FRMPD4: variants seen among roughly 807,000 people sequenced by gnomAD.
FRMPD4 encodes the protein FERM and PDZ domain-containing protein 4.
FRMPD4 carries 22 observed loss-of-function variants against 94.1 expected under a neutral mutation model. The ratio of observed to expected loss-of-function variants is 0.23; its 90% confidence interval spans 0.17 to 0.33. The LOEUF (loss-of-function observed/expected upper bound fraction) is 0.33. Among genes scored for constraint, FRMPD4 ranks in the 10% least tolerant of loss-of-function variants. The probability of loss-of-function intolerance (pLI) is 1.00; values close to 1 mark genes in which losing one functional copy is unlikely to be tolerated. For synonymous variants in FRMPD4, 631 were observed against 548.6 expected, an observed-to-expected ratio of 1.15 and a Z score of -2.10; for missense variants, 1,111 against 1,339.9, an observed-to-expected ratio of 0.83 and a Z score of 2.67.
At chrX:12,219,452 A>G (rs1448897625) in intron 1 of FRMPD4, among the ~76,000 whole-genome samples, 1 of 112,305 alleles carries the variant, frequency 8.9e-6, no homozygotes, top group Non-Finnish European at 1.9e-5. Flanking sequence ...AAACTTTTGT[A>G]TATTTAATGC....
chrX:12,466,889 G>A (rs767942570), intron 1 of FRMPD4, among the ~76,000 whole-genome samples: 2 of 111,910 alleles, frequency 1.8e-5, no homozygotes, highest in African/African-American at 3.2e-5. Context: ...AAGGAACGTC[G>A]AAATTCTGGT....
chrX:12,382,520 G>GCATAA, intron 1 of FRMPD4, among the ~76,000 whole-genome samples: 1 of 60,616 alleles, frequency 1.6e-5, no homozygotes, highest in East Asian at 3.9e-4. Flanking sequence ...GCATAGCATA[G>GCATAA]CATAGCATAG....
At chrX:12,156,713 T>C (rs770090129) in intron 1 of FRMPD4, among the ~76,000 whole-genome samples, 1 of 102,843 alleles carries the variant, frequency 9.7e-6, no homozygotes, top group African/African-American at 4.1e-5. Flanking sequence ...TAATACACAA[T>C]TAAGTAATTG....
chrX:12,456,259 CTCTT>C (rs1275960742), intron 1 of FRMPD4, among the ~76,000 whole-genome samples: 1 of 111,961 alleles, frequency 8.9e-6, no homozygotes, highest in Non-Finnish European at 1.9e-5. Context: ...CTTTCTCTCT[CTCTT>C]CTTTCTTCCT....
intron 2 of FRMPD4, among the ~76,000 whole-genome samples, chrX:12,518,814 C>T (rs979729399): frequency 3.9e-4 from 41 of 104,621 alleles, no homozygotes; most frequent in African/African-American, 3.6e-4. Context: ...CTAAAAATTA[C>T]GTGCGCGCGT....
chrX:12,429,967 CAG>C (rs1368048432), intron 1 of FRMPD4, among the ~76,000 whole-genome samples: 1 of 112,091 alleles, frequency 8.9e-6, no homozygotes, highest in Admixed American at 9.4e-5. Context: ...GTCTTAGAAG[CAG>C]AGACACCAGG....
intron 1 of FRMPD4, among the ~76,000 whole-genome samples, chrX:12,412,283 C>T (rs898939409): frequency 8.9e-5 from 10 of 111,953 alleles, no homozygotes; most frequent in African/African-American, 3.2e-4. Flanking sequence ...ACCCCATTGC[C>T]CATTGTCTGA....
chrX:12,520,933 T>C (rs1007701733), intron 2 of FRMPD4, among the ~76,000 whole-genome samples: 3 of 111,796 alleles, frequency 2.7e-5, no homozygotes, highest in African/African-American at 9.8e-5. Flanking sequence ...CAGCAAACTT[T>C]CCCGGTGAAA....
At chrX:12,713,852 C>G (rs998172741) in intron 14 of FRMPD4, among the ~76,000 whole-genome samples, 4 of 111,739 alleles carry the variant, frequency 3.6e-5, no homozygotes, top group Non-Finnish European at 5.6e-5. Flanking sequence ...TTCTTCTCAC[C>G]TCAAATTGAT....
chrX:12,299,686 A>G (rs1485792595), intron 1 of FRMPD4, among the ~76,000 whole-genome samples: 2 of 112,026 alleles, frequency 1.8e-5, no homozygotes, highest in African/African-American at 6.5e-5. Context: ...TCAACAATCA[A>G]GTATCCATAG....
chrX:11,959,991 G>A (rs1231354448), intron 3 of FRMPD4, among the ~76,000 whole-genome samples: 2 of 111,047 alleles, frequency 1.8e-5, no homozygotes, highest in Non-Finnish European at 3.8e-5. Flanking sequence ...TTCAAATGAT[G>A]GGGCATCACA....
At chrX:12,678,657 C>G (rs1306565820) in intron 5 of FRMPD4, among the ~76,000 whole-genome samples, 2 of 111,817 alleles carry the variant, frequency 1.8e-5, no homozygotes, top group African/African-American at 6.5e-5. Context: ...GAAACCCCGT[C>G]TCTACTAAAA....
At chrX:11,949,865 T>A (rs990520120) in intron 3 of FRMPD4, among the ~76,000 whole-genome samples, 3 of 111,830 alleles carry the variant, frequency 2.7e-5, no homozygotes, top group Non-Finnish European at 5.6e-5. Context: ...TTGTTTTTGG[T>A]TTTTTTAGAT....
intron 3 of FRMPD4, among the ~76,000 whole-genome samples, chrX:11,989,485 A>T (rs2054451866): frequency 9.3e-6 from 1 of 107,800 alleles, no homozygotes; most frequent in Non-Finnish European, 1.9e-5. Flanking sequence ...AGAGGCTGAG[A>T]AGGGTAGTGG....
intron 3 of FRMPD4, among the ~76,000 whole-genome samples, chrX:12,050,090 A>G (rs1251911073): frequency 3.6e-5 from 4 of 111,302 alleles, no homozygotes; most frequent in Non-Finnish European, 7.6e-5. Context: ...GAAGAAAGAA[A>G]AGTATTTTTT....
At chrX:12,343,588 C>T (rs1254295419) in intron 1 of FRMPD4, among the ~76,000 whole-genome samples, 1 of 111,930 alleles carries the variant, frequency 8.9e-6, no homozygotes, top group Non-Finnish European at 1.9e-5. Flanking sequence ...GAGAACAGGT[C>T]AGGATTGATC....
chrX:12,282,024 A>G (rs866216813), intron 1 of FRMPD4, among the ~76,000 whole-genome samples: 22 of 112,330 alleles, frequency 2.0e-4, no homozygotes, highest in Non-Finnish European at 3.8e-4. Context: ...GGAAGCAGGT[A>G]TTAATAGACT....
chrX:12,710,063 G>A lies in FRMPD4; in HGVS notation c.1471-336G>A, dbSNP rs192978662. Among the ~76,000 whole-genome samples the A allele has an allele frequency of 4.4e-3, 492 of 111,643 alleles. 10 individuals are homozygous for A. The highest frequency in any genetic ancestry group is 0.042 in the Admixed American group (438 of 10,543). ...GAATCGCTTAAACCCAGGAGGTGGA[G>A]GTTGCAGTGAGCCAAGTTCACGCCA... On this transcript the variant is annotated intron_variant, in intron 13 of 16. Coordinates refer to ENST00000675598, the MANE Select transcript of FRMPD4 (RefSeq NM_001368397.1).
chrX:12,604,355 T>C (rs942450474), intron 2 of FRMPD4, among the ~76,000 whole-genome samples: 2 of 112,137 alleles, frequency 1.8e-5, no homozygotes, highest in Non-Finnish European at 3.8e-5. Flanking sequence ...AGCAATCCAG[T>C]CACCAGAGCA....
Sources: gnomAD v4.1 joint callset for allele counts (sites outside exome capture counted in the v4.1 genomes callset) on GRCh38, gnomAD v4.1.1 for gene constraint, MANE v1.5 for transcripts, NCBI Gene and HGNC (gene_info 2026-07-23, HGNC 2026-07-21) for gene names.